Variants in ELP4 observed in about 807,000 individuals in gnomAD.
ELP4 encodes elongator complex protein 4.
In ELP4, 51 loss-of-function variants were observed where a neutral mutation model predicts 48.9. That is an observed-to-expected ratio of 1.04 (90% CI 0.83 to 1.32). ELP4 has a LOEUF of 1.32. ELP4 is among the 40% of genes most tolerant of loss of function. The probability of loss-of-function intolerance (pLI) is 0.00; values close to 1 mark genes in which losing one functional copy is unlikely to be tolerated. For missense variants in ELP4, 519 were observed against 514.6 expected, an observed-to-expected ratio of 1.01 and a Z score of -0.08; for synonymous variants, 210 against 189.2, an observed-to-expected ratio of 1.11 and a Z score of -0.90.
chr11:31,669,121 A>G (rs566034803), intron 9 of ELP4, among the ~76,000 whole-genome samples: 1 of 150,422 alleles, frequency 6.6e-6, no homozygotes, highest in South Asian at 2.1e-4. Context: ...TTATTTTGGG[A>G]TGGAGTCTCG....
Position 31,678,531 on chromosome 11 carries a change from G to A in ELP4, c.1143+28310G>A, listed in dbSNP as rs867722207. ...TGTGTGTGTGTGTGTGTGTGTGTGT[G>A]TGTGTGTGTGTATATGTGCATTTTA... On this transcript the variant is annotated intron_variant, in intron 9 of 9. Coordinates refer to ENST00000640961, the MANE Select transcript of ELP4 (RefSeq NM_019040.5). Among the ~76,000 whole-genome samples the A allele has an allele frequency of 5.6e-3, 763 of 135,514 alleles. 9 individuals are homozygous for A. Among genetic ancestry groups the A allele is most frequent in the African/African-American group, 0.019 (605 of 32,048 alleles). The allele number at this position is 135,514 out of a possible 152,430, so 88.9% of individuals were successfully genotyped here. A position where few individuals can be genotyped will look rare whatever the true frequency, so the allele number is the denominator to read the frequency against.
At chr11:31,757,450 G>A (rs566723270) in intron 9 of ELP4, among the ~76,000 whole-genome samples, 2 of 152,044 alleles carry the variant, frequency 1.3e-5, no homozygotes, top group South Asian at 2.1e-4. Flanking sequence ...GCAGCCTGTC[G>A]TTTGGGAGCT....
chr11:31,718,275 T>C (rs925974571), intron 9 of ELP4, among the ~76,000 whole-genome samples: 3 of 152,192 alleles, frequency 2.0e-5, no homozygotes, highest in Non-Finnish European at 4.4e-5. Flanking sequence ...TGAGGTGATA[T>C]CTTGCAAGAT....
At chr11:31,742,062 G>C (rs984450206) in intron 9 of ELP4, among the ~76,000 whole-genome samples, 6 of 152,208 alleles carry the variant, frequency 3.9e-5, no homozygotes, top group Non-Finnish European at 5.9e-5. Flanking sequence ...TCACCTGATA[G>C]AGCTGAAAAC....
chr11:31,603,932 CAA>C (rs1491583219), intron 5 of ELP4, 25 bp downstream of exon 5: 656 of 1,593,574 alleles, frequency 4.1e-4, no homozygotes, highest in Non-Finnish European at 5.5e-4. Flanking sequence ...CATTTAATAA[CAA>C]AATCTGATTT....
rs72900375 is a variant in ELP4, at chr11:31,779,481, C to A, written c.1144-3912C>A. Among the ~76,000 whole-genome samples the A allele has an allele frequency of 6.1e-3, 922 of 152,246 alleles. 6 individuals carry two copies. Among genetic ancestry groups the A allele is most frequent in the Non-Finnish European group, 0.011 (718 of 68,016 alleles). ...AATTTAGCTGCTGACTCAGAAGGAACAAAATATAGACAGTGGCTAAGCCCA... is the reference window on the plus strand; with the variant it reads ...AATTTAGCTGCTGACTCAGAAGGAAAAAAATATAGACAGTGGCTAAGCCCA... On this transcript the variant is annotated intron_variant, in intron 9 of 9. Transcript: ENST00000640961.
chr11:31,528,175 G>A (rs186883933), intron 2 of ELP4, among the ~76,000 whole-genome samples: 1 of 151,944 alleles, frequency 6.6e-6, no homozygotes, highest in Non-Finnish European at 1.5e-5. Context: ...TTTACATCAG[G>A]TAATCATGAA....
At chr11:31,655,346 T>C (rs1435254419) in intron 9 of ELP4, among the ~76,000 whole-genome samples, 4 of 150,514 alleles carry the variant, frequency 2.7e-5, no homozygotes, top group Non-Finnish European at 4.4e-5. Flanking sequence ...TCCTATTTCT[T>C]CCCACTTTGG....
At chr11:31,522,367 C>T (rs1214450012) in intron 2 of ELP4, among the ~76,000 whole-genome samples, 1 of 152,128 alleles carries the variant, frequency 6.6e-6, no homozygotes, top group African/African-American at 2.4e-5. Context: ...CCTGGGTATT[C>T]CACCCAAATA....
At chr11:31,571,341 T>G (rs1376012823) in intron 3 of ELP4, among the ~76,000 whole-genome samples, 1 of 152,196 alleles carries the variant, frequency 6.6e-6, no homozygotes, top group Non-Finnish European at 1.5e-5. Context: ...TCCGTATCAA[T>G]TAAAGTTTTC....
intron 2 of ELP4, among the ~76,000 whole-genome samples, chr11:31,531,758 G>A (rs1329808633): frequency 1.3e-5 from 2 of 152,120 alleles, no homozygotes; most frequent in African/African-American, 4.8e-5. Flanking sequence ...TTTTGAAACG[G>A]GAGTGACAAG....
intron 9 of ELP4, chr11:31,682,141 G>T: frequency 8.6e-7 from 1 of 1,157,978 alleles, no homozygotes. Flanking sequence ...CTATGCAACA[G>T]TTTCAGCCAA....
chr11:31,714,259 CTTG>C (rs994631808), intron 9 of ELP4, among the ~76,000 whole-genome samples: 2 of 152,094 alleles, frequency 1.3e-5, no homozygotes, highest in Non-Finnish European at 2.9e-5. Context: ...ACAAAAATCT[CTTG>C]TTGTAATTAA....
At chr11:31,698,852 A>G (rs1435196259) in intron 9 of ELP4, among the ~76,000 whole-genome samples, 4 of 152,226 alleles carry the variant, frequency 2.6e-5, no homozygotes. Flanking sequence ...TAAGGCTAAA[A>G]GAGATTAACA....
At chr11:31,668,675 C>CATATGTGTGTGTGTGTGT (rs757792983) in intron 9 of ELP4, among the ~76,000 whole-genome samples, 2 of 121,038 alleles carry the variant, frequency 1.7e-5, no homozygotes, top group East Asian at 2.7e-4. Context: ...CCTTTGGTAC[C>CATATGTGTGTGTGTGTGT]GTGTGTGTGT....
chr11:31,740,413 G>A (rs1263885274), intron 9 of ELP4, among the ~76,000 whole-genome samples: 1 of 152,224 alleles, frequency 6.6e-6, no homozygotes, highest in Non-Finnish European at 1.5e-5. Context: ...CCAAAGATGT[G>A]AAATGTGCCA....
chr11:31,522,677 T>G (rs1239051083), intron 2 of ELP4, among the ~76,000 whole-genome samples: 1 of 152,196 alleles, frequency 6.6e-6, no homozygotes, highest in East Asian at 1.9e-4. Context: ...CTTGCTTCAT[T>G]GCAGCATGTT....
chr11:31,664,744 T>A (rs921421834), intron 9 of ELP4, among the ~76,000 whole-genome samples: 2 of 152,080 alleles, frequency 1.3e-5, no homozygotes, highest in Non-Finnish European at 2.9e-5. Flanking sequence ...TTAAACAAAT[T>A]TTTAAAAAAC....
intron 7 of ELP4, among the ~76,000 whole-genome samples, chr11:31,638,859 TGAATTTCTCTCAG>T (rs1222334753): frequency 6.6e-6 from 1 of 151,900 alleles, no homozygotes; most frequent in East Asian, 1.9e-4. Context: ...AATGGCCTTG[TGAATTTCTCTCAG>T]TGTGAAATCT....
Sources: gnomAD v4.1 joint callset for allele counts (sites outside exome capture counted in the v4.1 genomes callset) on GRCh38, gnomAD v4.1.1 for gene constraint, MANE v1.5 for transcripts, NCBI Gene and HGNC (gene_info 2026-07-23, HGNC 2026-07-21) for gene names.